The following LOC400499 variants were observed in gnomAD, a reference collection of about 807,000 sequenced individuals.
the LOC400499 span, among the ~76,000 whole-genome samples, chr16:11,437,316 T>A: frequency 6.6e-6 from 1 of 152,134 alleles, no homozygotes; most frequent in Non-Finnish European, 1.5e-5. Flanking sequence ...CCCCAGCCCT[T>A]TGGAGACCAA....
At chr16:11,392,556 C>A in the LOC400499 span, 29 of 399,840 alleles carry the variant, frequency 7.3e-5, no homozygotes, top group African/African-American at 6.0e-4. Context: ...GCTGCCCACT[C>A]CCCCTCCACC....
At chr16:11,462,168 C>T in the LOC400499 span, 17 of 1,533,248 alleles carry the variant, frequency 1.1e-5, no homozygotes, top group African/African-American at 2.7e-5. Flanking sequence ...GCGGAGAAGG[C>T]CAGCTTGCTG....
chr16:11,444,083 C>T, the LOC400499 span, among the ~76,000 whole-genome samples: 1 of 152,068 alleles, frequency 6.6e-6, no homozygotes, highest in Non-Finnish European at 1.5e-5. Context: ...TCAAGTGATC[C>T]ACCCACCCTG....
the LOC400499 span, among the ~76,000 whole-genome samples, chr16:11,511,154 G>A: frequency 6.6e-6 from 1 of 151,980 alleles, no homozygotes; most frequent in African/African-American, 2.4e-5. Flanking sequence ...ACACCACCAT[G>A]CCTGGCTAAT....
At chr16:11,380,338 G>C in the LOC400499 span, among the ~76,000 whole-genome samples, 2 of 150,604 alleles carry the variant, frequency 1.3e-5, no homozygotes, top group African/African-American at 4.9e-5. Context: ...TAATTTCTCT[G>C]GCCGGACACA....
At chr16:11,422,794 C>G in the LOC400499 span, among the ~76,000 whole-genome samples, 2 of 152,218 alleles carry the variant, frequency 1.3e-5, no homozygotes, top group African/African-American at 4.8e-5. Context: ...CAGCTTGAAG[C>G]CACCTGAGCT....
chr16:11,516,079 T>C, the LOC400499 span: 2 of 399,196 alleles, frequency 5.0e-6, no homozygotes, highest in Admixed American at 4.4e-5. Flanking sequence ...CAGACAGGGT[T>C]GGGGACAGGT....
At chr16:11,393,292 C>A in the LOC400499 span, 11 of 1,023,570 alleles carry the variant, frequency 1.1e-5, no homozygotes, top group Admixed American at 3.0e-4. Flanking sequence ...CTGCACCCAG[C>A]CCCGACTTCT....
the LOC400499 span, among the ~76,000 whole-genome samples, chr16:11,477,249 C>T: frequency 6.6e-6 from 1 of 152,370 alleles, no homozygotes; most frequent in Non-Finnish European, 1.5e-5. Flanking sequence ...CCAGGCTCTT[C>T]ACGCCAGAGA....
At chr16:11,441,894 A>C in the LOC400499 span, among the ~76,000 whole-genome samples, 1 of 152,222 alleles carries the variant, frequency 6.6e-6, no homozygotes, top group Admixed American at 6.5e-5. Context: ...CTGAATTCCA[A>C]AACTGTAAAA....
chr16:11,440,869 T>G, the LOC400499 span: 3 of 399,056 alleles, frequency 7.5e-6, no homozygotes, highest in African/African-American at 2.1e-5. Flanking sequence ...CAACACCCTT[T>G]ACTTCCGCTA....
At chr16:11,526,379 G>A in the LOC400499 span, among the ~76,000 whole-genome samples, 6 of 152,102 alleles carry the variant, frequency 3.9e-5, no homozygotes, top group South Asian at 6.2e-4. Context: ...GTGAAACCCC[G>A]TCTCCACAAA....
the LOC400499 span, chr16:11,443,600 T>A: frequency 7.0e-6 from 2 of 285,478 alleles, no homozygotes; most frequent in African/African-American, 4.7e-5. Flanking sequence ...CTCCTAGAGG[T>A]GTCAGGAAGA....
the LOC400499 span, chr16:11,472,041 T>A: frequency 5.2e-6 from 2 of 385,322 alleles, no homozygotes; most frequent in African/African-American, 4.1e-5. Context: ...TTGGGGGCTG[T>A]CCTGTGCATT....
At chr16:11,492,613 T>A in the LOC400499 span, among the ~76,000 whole-genome samples, 1 of 151,874 alleles carries the variant, frequency 6.6e-6, no homozygotes, top group Non-Finnish European at 1.5e-5. Flanking sequence ...TGAAACCCCA[T>A]CTCTACTAAA....
chr16:11,446,091 C>T, the LOC400499 span, among the ~76,000 whole-genome samples: 2 of 151,900 alleles, frequency 1.3e-5, no homozygotes, highest in Non-Finnish European at 2.9e-5. Context: ...TCCCAAAGTG[C>T]TAGGATTACA....
chr16:11,504,624 CATG>C, the LOC400499 span, among the ~76,000 whole-genome samples: 1 of 151,920 alleles, frequency 6.6e-6, no homozygotes. Flanking sequence ...ACCAATAACA[CATG>C]ATAATAGTGA....
chr16:11,390,621 C>T, the LOC400499 span, among the ~76,000 whole-genome samples: 1 of 152,176 alleles, frequency 6.6e-6, no homozygotes, highest in South Asian at 2.1e-4. Context: ...CTGGAGATTG[C>T]AGGGGAGTTG....
chr16:11,482,279 G>C, the LOC400499 span, among the ~76,000 whole-genome samples: 3 of 152,186 alleles, frequency 2.0e-5, no homozygotes, highest in African/African-American at 7.2e-5. Context: ...TGAGCCAGGG[G>C]ACTCCCTGAA....
Sources: gnomAD v4.1 joint callset for allele counts (sites outside exome capture counted in the v4.1 genomes callset) on GRCh38, gnomAD v4.1.1 for gene constraint, MANE v1.5 for transcripts.